Variants in PRELID2 observed in about 807,000 individuals in gnomAD.
PRELID2 encodes PRELI domain containing 2.
In PRELID2, 25 loss-of-function variants were observed where a neutral mutation model predicts 28.4. The ratio of observed to expected loss-of-function variants is 0.88; its 90% CI spans 0.64 to 1.23. The LOEUF (loss-of-function observed/expected upper bound fraction) is 1.23. Among genes scored for constraint, PRELID2 ranks in the 50% most tolerant of loss-of-function variants. The pLI, the probability that PRELID2 is intolerant of heterozygous loss-of-function variation, is 0.00. For synonymous variants in PRELID2, 76 were observed against 71.6 expected (o/e 1.06, Z -0.31); for missense variants, 201 against 214.4 (o/e 0.94, Z 0.39).
intron 1 of PRELID2, among the ~76,000 whole-genome samples, chr5:145,547,024 G>A (rs566678914): frequency 7.4e-4 from 112 of 152,272 alleles, no homozygotes; most frequent in African/African-American, 2.5e-3. Flanking sequence ...GAAATGCTTA[G>A]CACAATGTCT....
At chr5:145,266,740 A>ATGTGT in the PRELID2 span, among the ~76,000 whole-genome samples, 1 of 152,174 alleles carries the variant, frequency 6.6e-6, no homozygotes, top group African/African-American at 2.4e-5. Flanking sequence ...ACTTGCACAC[A>ATGTGT]TGTGTTTATA....
chr5:145,828,832 CTTTTTTTTTTTTTT>C (rs67543120), intron 1 of PRELID2, among the ~76,000 whole-genome samples: 2 of 68,282 alleles, frequency 2.9e-5, no homozygotes, highest in African/African-American at 1.1e-4. Flanking sequence ...TGAAAAAAAT[CTTTTTTTTTTTTTT>C]TTTTTTTTTT....
intron 4 of PRELID2, among the ~76,000 whole-genome samples, chr5:145,813,517 A>C (rs145604596): frequency 5.8e-4 from 89 of 152,324 alleles, no homozygotes; most frequent in African/African-American, 2.1e-3. Context: ...ACAGAACAAG[A>C]TAAACCCATC....
At chr5:145,536,731 C>G (rs1228127358) in intron 1 of PRELID2, among the ~76,000 whole-genome samples, 5 of 151,656 alleles carry the variant, frequency 3.3e-5, no homozygotes, top group Non-Finnish European at 5.9e-5. Context: ...GGTTTTAAGG[C>G]CCATGTGAAA....
At chr5:145,283,322 A>G in the PRELID2 span, among the ~76,000 whole-genome samples, 1 of 152,244 alleles carries the variant, frequency 6.6e-6, no homozygotes, top group Admixed American at 6.5e-5. Flanking sequence ...ACTGGGGGGG[A>G]AAGATTGTCA....
intron 1 of PRELID2, among the ~76,000 whole-genome samples, chr5:145,713,761 A>G (rs1396772090): frequency 6.8e-6 from 1 of 147,730 alleles, no homozygotes; most frequent in Non-Finnish European, 1.5e-5. Context: ...ACATATATAT[A>G]TGCCAGAAGA....
chr5:145,286,492 A>T, the PRELID2 span, among the ~76,000 whole-genome samples: 27 of 152,132 alleles, frequency 1.8e-4, no homozygotes, highest in African/African-American at 6.0e-4. Context: ...CTCAGAGATG[A>T]TGTGTAATTT....
At chr5:145,275,438 G>T in the PRELID2 span, among the ~76,000 whole-genome samples, 10 of 152,062 alleles carry the variant, frequency 6.6e-5, no homozygotes, top group African/African-American at 2.4e-4. Flanking sequence ...ACCGGAAGAG[G>T]GTGTAGGCAT....
the PRELID2 span, among the ~76,000 whole-genome samples, chr5:145,317,877 T>C: frequency 6.6e-6 from 1 of 152,296 alleles, no homozygotes; most frequent in South Asian, 2.1e-4. Context: ...TGTTACTATT[T>C]AGATCCTAAT....
chr5:145,725,315 A>G (rs1240632897), intron 1 of PRELID2, among the ~76,000 whole-genome samples: 2 of 152,190 alleles, frequency 1.3e-5, no homozygotes, highest in Non-Finnish European at 2.9e-5. Flanking sequence ...TCTAACTCAC[A>G]AACATTAGAA....
intron 1 of PRELID2, among the ~76,000 whole-genome samples, chr5:145,546,575 A>G (rs115832547): frequency 0.01 from 1,557 of 152,238 alleles, 23 homozygotes; most frequent in African/African-American, 0.029. Context: ...GTATGAACAT[A>G]CCAGAGACTG....
At chr5:145,637,380 G>A (rs1218714912) in intron 1 of PRELID2, among the ~76,000 whole-genome samples, 4 of 152,132 alleles carry the variant, frequency 2.6e-5, no homozygotes, top group Non-Finnish European at 5.9e-5. Context: ...ATCAGGAAAT[G>A]AACACAGGTA....
chr5:145,587,019 A>T (rs1309714899), intron 1 of PRELID2, among the ~76,000 whole-genome samples: 1 of 152,126 alleles, frequency 6.6e-6, no homozygotes, highest in Admixed American at 6.6e-5. Context: ...GGTTATTGTA[A>T]AGGCCAAATA....
At chr5:145,261,302 C>T in the PRELID2 span, among the ~76,000 whole-genome samples, 4 of 152,200 alleles carry the variant, frequency 2.6e-5, no homozygotes, top group South Asian at 4.1e-4. Context: ...CTAGGGCAAG[C>T]TTGTATCCTC....
chr5:145,574,360 C>T (rs535711838), intron 1 of PRELID2, among the ~76,000 whole-genome samples: 1 of 152,276 alleles, frequency 6.6e-6, no homozygotes, highest in South Asian at 2.1e-4. Context: ...CCTCCATAAT[C>T]GTAAGATAAT....
the PRELID2 span, among the ~76,000 whole-genome samples, chr5:145,463,946 C>G: frequency 4.5e-3 from 682 of 152,280 alleles, 3 homozygotes; most frequent in African/African-American, 0.015. Flanking sequence ...CTAACTTGTT[C>G]TGATCAACAG....
intron 1 of PRELID2, among the ~76,000 whole-genome samples, chr5:145,553,785 A>C (rs1047347287): frequency 1.3e-5 from 2 of 152,222 alleles, no homozygotes; most frequent in African/African-American, 4.8e-5. Flanking sequence ...TTTTAGAAAA[A>C]GAATTGTGAC....
At chr5:145,435,964 G>C in the PRELID2 span, among the ~76,000 whole-genome samples, 2 of 152,060 alleles carry the variant, frequency 1.3e-5, no homozygotes, top group African/African-American at 4.8e-5. Context: ...TTAGATTCAA[G>C]GGTACATGTG....
intron 4 of PRELID2, among the ~76,000 whole-genome samples, chr5:145,806,806 T>C (rs1753546807): frequency 6.6e-6 from 1 of 152,140 alleles, no homozygotes; most frequent in South Asian, 2.1e-4. Context: ...CAGTTTCCCC[T>C]GCACTCTATC....
Sources: allele counts gnomAD v4.1 joint callset (sites outside exome capture counted in the v4.1 genomes callset), GRCh38; gene constraint gnomAD v4.1.1; transcripts MANE v1.5; gene names NCBI Gene and HGNC (gene_info 2026-07-23, HGNC 2026-07-21).